EBF2: variants seen among roughly 807,000 people sequenced by gnomAD.
EBF2 encodes EBF transcription factor 2.
Under a neutral mutation model 72.8 loss-of-function variants are expected in EBF2, and 21 were observed. The observed-to-expected ratio is 0.29, with a 90% CI of 0.20 to 0.42. EBF2 has a LOEUF of 0.42. EBF2 is among the 10% of genes least tolerant of loss of function. The pLI is 1.00. For synonymous variants in EBF2, 299 were observed against 274.2 expected (o/e 1.09, Z -0.89); for missense variants, 637 against 731.2 (o/e 0.87, Z 1.49).
At chr8:25,986,956 C>T (rs1181531995) in intron 6 of EBF2, among the ~76,000 whole-genome samples, 2 of 152,240 alleles carry the variant, frequency 1.3e-5, no homozygotes, top group Non-Finnish European at 2.9e-5. Flanking sequence ...ATGACACCCT[C>T]ACCCCCATCA....
chr8:25,984,209 G>A (rs1485739), intron 6 of EBF2, among the ~76,000 whole-genome samples: 3 of 152,110 alleles, frequency 2.0e-5, no homozygotes, highest in Non-Finnish European at 4.4e-5. Flanking sequence ...TAACAACTCA[G>A]GCATTTCACA....
Position 25,877,463 on chromosome 8 carries a change from G to A in EBF2, c.1009+9292C>T, listed in dbSNP as rs148357708. On this transcript the variant is annotated intron_variant, in intron 10 of 15. Transcript: ENST00000520164. ...AGCAAGTTGCACGTTAGCAAACCAC[G>A]GTTGGTGGAAAATTGACCTGCAAAG... Among the ~76,000 whole-genome samples the A allele has an allele frequency of 8.3e-4, 126 of 152,302 alleles. 1 individual carries two copies. The highest frequency in any genetic ancestry group is 3.0e-3 in the African/African-American group (123 of 41,570).
intron 6 of EBF2, among the ~76,000 whole-genome samples, chr8:25,986,022 A>AAAAAAAAAAAAAAAT (rs1804448613): frequency 1.3e-5 from 2 of 149,012 alleles, no homozygotes; most frequent in Non-Finnish European, 1.5e-5. Flanking sequence ...AAAAAAAAAA[A>AAAAAAAAAAAAAAAT]AAAGTACATG....
chr8:25,852,025 A>G (rs1204721509), intron 14 of EBF2, among the ~76,000 whole-genome samples: 1 of 152,208 alleles, frequency 6.6e-6, no homozygotes, highest in Admixed American at 6.5e-5. Context: ...ACTTCAAAAG[A>G]AGAGCTTTCT....
chr8:25,859,828 C>A (rs1217328756), intron 13 of EBF2, among the ~76,000 whole-genome samples: 2 of 151,822 alleles, frequency 1.3e-5, no homozygotes, highest in Admixed American at 6.6e-5. Flanking sequence ...TCTATCCTCC[C>A]ACCTCAACCT....
intron 6 of EBF2, among the ~76,000 whole-genome samples, chr8:25,954,986 C>T (rs1302030504): frequency 6.6e-6 from 1 of 152,200 alleles, no homozygotes; most frequent in Non-Finnish European, 1.5e-5. Flanking sequence ...AGACGCAGCG[C>T]GCCAGGTTGT....
chr8:25,927,703 C>G (rs1297042530), intron 6 of EBF2, among the ~76,000 whole-genome samples: 1 of 152,082 alleles, frequency 6.6e-6, no homozygotes, highest in Non-Finnish European at 1.5e-5. Flanking sequence ...ATTGGCTTGG[C>G]TATGGCCTTA....
At chr8:25,958,291 G>C (rs1368058504) in intron 6 of EBF2, among the ~76,000 whole-genome samples, 2 of 152,198 alleles carry the variant, frequency 1.3e-5, no homozygotes, top group Non-Finnish European at 2.9e-5. Context: ...CTCTCCAATA[G>C]ATTGGAACAA....
At chr8:25,931,410 A>G (rs1803477685) in intron 6 of EBF2, among the ~76,000 whole-genome samples, 1 of 152,204 alleles carries the variant, frequency 6.6e-6, no homozygotes, top group South Asian at 2.1e-4. Context: ...GACTTGAACC[A>G]GAAGATAGCA....
In EBF2 at chr8:25,843,496, G is replaced by A. The variant is rs1217199463; in HGVS notation, c.*1113C>T. 1 of 152,170 alleles carries A rather than the reference G, an allele frequency of 6.6e-6. No individual in the cohort carries two copies. Among genetic ancestry groups the A allele is most frequent in the Non-Finnish European group, 1.5e-5 (1 of 68,068 alleles). The allele number at this position is 152,170 out of a possible 1,614,324, so 9.4% of individuals were successfully genotyped here. The stretch of plus-strand genomic sequence containing the variant: ...AAGCGGAGGGAGTGGTGGGGTTCTG[G>A]TGAGGAGGAATTCCCAAGGGGTCCC... On this transcript the variant is annotated 3_prime_UTR_variant, in exon 16 of 16. Transcript: ENST00000520164.
chr8:26,032,316 G>A (rs576888181), intron 6 of EBF2: 1 of 152,174 alleles, frequency 6.6e-6, no homozygotes, highest in Non-Finnish European at 1.5e-5. Flanking sequence ...GGAGACTGTG[G>A]TCTCTCCAAT....
intron 6 of EBF2, among the ~76,000 whole-genome samples, chr8:25,963,281 C>G (rs1052701007): frequency 6.6e-6 from 1 of 152,184 alleles, no homozygotes; most frequent in Non-Finnish European, 1.5e-5. Flanking sequence ...GCCTCTGCAT[C>G]TCATTTTTCT....
At chr8:26,025,717 T>A (rs1805293707) in intron 6 of EBF2, among the ~76,000 whole-genome samples, 1 of 152,176 alleles carries the variant, frequency 6.6e-6, no homozygotes. Context: ...GTCCTTTATC[T>A]TACCTGTAAT....
At position 25,928,146 on chromosome 8, in the gene EBF2, G is replaced by GA. The variant is rs1803415865; in HGVS notation, c.552-19592_552-19591insT. Among the ~76,000 whole-genome samples the GA allele has an allele frequency of 2.0e-5, 3 of 151,912 alleles. No homozygotes were observed. In the South Asian group the frequency reaches 6.3e-4, roughly 32 times the overall value. ...AATTAGAATCTGGTAAGAGTAAAAGGTTTTTTTTAGGTTGAATTCATACTG... is the reference window on the plus strand; with the variant it reads ...AATTAGAATCTGGTAAGAGTAAAAGGATTTTTTTTAGGTTGAATTCATACTG... On this transcript the variant is annotated intron_variant, in intron 6 of 15. Transcript: ENST00000520164.
intron 6 of EBF2, among the ~76,000 whole-genome samples, chr8:25,973,303 C>T (rs1205942290): frequency 2.6e-5 from 4 of 152,136 alleles, no homozygotes. Flanking sequence ...TAGCTAGATA[C>T]CTTTCTTTCC....
intron 6 of EBF2, among the ~76,000 whole-genome samples, chr8:25,956,094 G>A (rs1193957405): frequency 6.6e-6 from 1 of 151,762 alleles, no homozygotes; most frequent in Non-Finnish European, 1.5e-5. Flanking sequence ...GTCTGCACAG[G>A]GATGGGGAGG....
chr8:25,989,214 A>G (rs1168304638), intron 6 of EBF2, among the ~76,000 whole-genome samples: 1 of 152,200 alleles, frequency 6.6e-6, no homozygotes, highest in African/African-American at 2.4e-5. Context: ...GATGAATTAA[A>G]TGTGACTCTT....
chr8:25,953,921 A>G (rs1318416665), intron 6 of EBF2, among the ~76,000 whole-genome samples: 1 of 152,148 alleles, frequency 6.6e-6, no homozygotes, highest in Non-Finnish European at 1.5e-5. Context: ...GCAGCACATT[A>G]GGTTGCATAT....
At chr8:25,993,044 C>A (rs547859601) in intron 6 of EBF2, among the ~76,000 whole-genome samples, 1 of 152,062 alleles carries the variant, frequency 6.6e-6, no homozygotes, top group South Asian at 2.1e-4. Context: ...CCTTCAGTGA[C>A]ATAATAATTC....
Sources: gnomAD v4.1 joint callset for allele counts (sites outside exome capture counted in the v4.1 genomes callset) on GRCh38, gnomAD v4.1.1 for gene constraint, MANE v1.5 for transcripts, NCBI Gene and HGNC (gene_info 2026-07-23, HGNC 2026-07-21) for gene names.